TACR1: variants seen among roughly 807,000 people sequenced by gnomAD.
The protein encoded by TACR1 is tachykinin receptor 1, also known as substance-P receptor.
Under a neutral mutation model 35.8 loss-of-function variants are expected in TACR1, and 25 were observed. That is an observed-to-expected ratio of 0.70 (90% CI 0.51 to 0.98). The LOEUF (loss-of-function observed/expected upper bound fraction) is 0.98, where lower values mean the gene tolerates loss of function less well. Among genes scored for constraint, TACR1 ranks in the 50% least tolerant of loss-of-function variants. The pLI, the probability that TACR1 is intolerant of heterozygous loss-of-function variation, is 0.00. For synonymous variants in TACR1, 195 were observed against 206.7 expected (o/e 0.94, Z 0.48); for missense variants, 478 against 522.9 (o/e 0.91, Z 0.84).
At chr2:75,192,830 G>T (rs576068462) in intron 1 of TACR1, among the ~76,000 whole-genome samples, 1 of 152,076 alleles carries the variant, frequency 6.6e-6, no homozygotes, top group South Asian at 2.1e-4. Context: ...TGGACTGGAG[G>T]GAACATAAAT....
chr2:75,116,782 C>T (rs768590721), intron 2 of TACR1, among the ~76,000 whole-genome samples: 8 of 151,828 alleles, frequency 5.3e-5, no homozygotes, highest in Non-Finnish European at 1.2e-4. Context: ...TGGTGATGGG[C>T]GCCTGTAATC....
intron 2 of TACR1, among the ~76,000 whole-genome samples, chr2:75,120,006 A>T (rs1451992792): frequency 6.6e-6 from 1 of 152,142 alleles, no homozygotes; most frequent in East Asian, 1.9e-4. Context: ...AACCACAGAG[A>T]CACACTCCCC....
chr2:75,193,940 T>C (rs1217985164), intron 1 of TACR1, among the ~76,000 whole-genome samples: 1 of 152,212 alleles, frequency 6.6e-6, no homozygotes, highest in Non-Finnish European at 1.5e-5. Flanking sequence ...CATCAACACT[T>C]GATAGACTGA....
chr2:75,069,097 TAA>T (rs2103811461), intron 2 of TACR1, among the ~76,000 whole-genome samples: 1 of 152,128 alleles, frequency 6.6e-6, no homozygotes, highest in East Asian at 1.9e-4. Context: ...GATGGTTTTA[TAA>T]GAGGGGGTTC....
intron 1 of TACR1, among the ~76,000 whole-genome samples, chr2:75,181,624 G>A (rs1490305327): frequency 6.6e-6 from 1 of 152,080 alleles, no homozygotes; most frequent in Non-Finnish European, 1.5e-5. Context: ...TTGAACTCCA[G>A]CCTGCAGTGA....
At chr2:75,073,657 G>T (rs1381296884) in intron 2 of TACR1, among the ~76,000 whole-genome samples, 1 of 152,218 alleles carries the variant, frequency 6.6e-6, no homozygotes, top group Non-Finnish European at 1.5e-5. Context: ...GGGGGCAGTG[G>T]GTCTGGGGGG....
At chr2:75,124,407 G>A (rs1674033806) in intron 1 of TACR1, among the ~76,000 whole-genome samples, 1 of 152,120 alleles carries the variant, frequency 6.6e-6, no homozygotes. Context: ...TGTCCAGTGG[G>A]GCCCTTCTTC....
chr2:75,103,901 G>A (rs1308552465), intron 2 of TACR1, among the ~76,000 whole-genome samples: 2 of 151,952 alleles, frequency 1.3e-5, no homozygotes, highest in African/African-American at 4.8e-5. Context: ...GAAACATAAA[G>A]TAGATACATA....
intron 2 of TACR1, among the ~76,000 whole-genome samples, chr2:75,097,594 G>T (rs1673449168): frequency 6.6e-6 from 1 of 152,182 alleles, no homozygotes; most frequent in Non-Finnish European, 1.5e-5. Context: ...CATCACAGAA[G>T]ACTGTGGGAG....
chr2:75,069,717 A>G (rs1672837467), intron 2 of TACR1, among the ~76,000 whole-genome samples: 1 of 152,192 alleles, frequency 6.6e-6, no homozygotes. Flanking sequence ...TATTTTGTGG[A>G]CAGTCCCTTA....
At chr2:75,115,906 C>CAAAAAAAAA (rs1158476632) in intron 2 of TACR1, among the ~76,000 whole-genome samples, 5 of 54,454 alleles carry the variant, frequency 9.2e-5, no homozygotes, top group East Asian at 1.3e-3. Context: ...GACTCCGTCT[C>CAAAAAAAAA]AAAAAAAAAA....
Position 75,078,201 on chromosome 2 carries a change from T to G in TACR1, c.585-24446A>C, listed in dbSNP as rs150139633. On this transcript the variant is annotated intron_variant, in intron 2 of 4. Coordinates refer to ENST00000305249, the MANE Select transcript of TACR1 (RefSeq NM_001058.4). ...GTGTGACGATTTTGACTACAATACT[T>G]AGCTGAATTATGAGCCTAGTTCAGT... Among the ~76,000 whole-genome samples, 714 of 152,228 alleles carry G rather than the reference T, an allele frequency of 4.7e-3. 6 individuals carry two copies. Among genetic ancestry groups the G allele is most frequent in the African/African-American group, 0.016 (663 of 41,550 alleles).
chr2:75,194,614 T>A (rs1675922118), intron 1 of TACR1, among the ~76,000 whole-genome samples: 1 of 152,116 alleles, frequency 6.6e-6, no homozygotes, highest in Admixed American at 6.5e-5. Flanking sequence ...AAAGTTTTTG[T>A]GATTTATTCA....
Position 75,053,648 on chromosome 2 carries a change from TC to T in TACR1, c.691del (p.Asp231ThrfsTer19), listed in dbSNP as rs1253492693. The T allele has an allele frequency of 6.3e-7, 1 of 1,598,590 alleles. No homozygotes were observed. Among genetic ancestry groups the T allele is most frequent in the East Asian group, 2.2e-5 (1 of 44,538 alleles). On this transcript the variant is annotated frameshift_variant, in exon 3 of 5. Transcript: ENST00000305249. LOFTEE classifies it high-confidence loss of function. ...TTGCTCGTGGTAGCGGTCAGAGGAG[TC>T]CCCGGGGATCTCACTGGCCCATAGT... is the stretch of plus-strand genomic sequence containing the variant. ...ITLWASEIPG[D>X]SSDRYHEQVS...
chr2:75,072,901 AT>A (rs1051431764), intron 2 of TACR1, among the ~76,000 whole-genome samples: 2 of 152,180 alleles, frequency 1.3e-5, no homozygotes, highest in East Asian at 1.9e-4. Context: ...ATTGATGTAG[AT>A]TTTTTTCAGT....
intron 1 of TACR1, chr2:75,154,410 G>GCACGCACACACA (rs1553380945): frequency 1.3e-5 from 1 of 75,362 alleles, no homozygotes; most frequent in African/African-American, 4.9e-5. Context: ...GAGCGCGCAC[G>GCACGCACACACA]CACACACACA....
At chr2:75,107,395 G>C (rs1426695090) in intron 2 of TACR1, among the ~76,000 whole-genome samples, 3 of 152,040 alleles carry the variant, frequency 2.0e-5, no homozygotes, top group East Asian at 1.9e-4. Context: ...ATCCTCATCT[G>C]TCTCCATATT....
rs114255442 is a variant in TACR1 at position 75,139,655 on chromosome 2, A to G, written c.390-18887T>C. On this transcript the variant is annotated intron_variant, in intron 1 of 4. Transcript: ENST00000305249. ...GAATATGTCAGAGCTTTATTTTCCC[A>G]ACATATAAACATGTAAATCATCAGT... Among the ~76,000 whole-genome samples, 1,262 of 152,294 alleles carry G rather than the reference A, an allele frequency of 8.3e-3. 15 individuals are homozygous for G. The highest frequency in any genetic ancestry group is 0.029 in the African/African-American group (1,207 of 41,562).
chr2:75,094,917 T>C (rs955981349), intron 2 of TACR1, among the ~76,000 whole-genome samples: 1 of 148,598 alleles, frequency 6.7e-6, no homozygotes, highest in Non-Finnish European at 1.5e-5. Context: ...ACTGGAATCA[T>C]TCAGATTAGC....
Sources: allele counts gnomAD v4.1 joint callset (sites outside exome capture counted in the v4.1 genomes callset), GRCh38; gene constraint gnomAD v4.1.1; transcripts MANE v1.5; gene names NCBI Gene and HGNC (gene_info 2026-07-23, HGNC 2026-07-21).